Variants in TAFA2 observed in about 807,000 individuals in gnomAD.
The protein encoded by TAFA2 is chemokine-like protein TAFA-2.
In TAFA2, 7 loss-of-function variants were observed where a neutral mutation model predicts 18.8. That is an observed-to-expected ratio of 0.37 (90% CI 0.21 to 0.70). The LOEUF (loss-of-function observed/expected upper bound fraction) is 0.70. Ranked by LOEUF, TAFA2 falls within the 30% of genes least tolerant of loss-of-function variation. The pLI is 0.53. For synonymous variants in TAFA2, 60 were observed against 54.2 expected, an observed-to-expected ratio of 1.11 and a Z score of -0.47; for missense variants, 122 against 158.1, an observed-to-expected ratio of 0.77 and a Z score of 1.23.
At chr12:61,713,424 G>A (rs1444039406) in intron 4 of TAFA2, among the ~76,000 whole-genome samples, 1 of 152,126 alleles carries the variant, frequency 6.6e-6, no homozygotes, top group Non-Finnish European at 1.5e-5. Context: ...TTCGGCTAAA[G>A]TTTTTCTTTG....
chr12:62,190,279 A>G (rs998514316), intron 1 of TAFA2, among the ~76,000 whole-genome samples: 1 of 152,152 alleles, frequency 6.6e-6, no homozygotes. Flanking sequence ...GGATAACTCA[A>G]CCTGCAGTTC....
chr12:61,823,814 C>T (rs1402343479), intron 2 of TAFA2, among the ~76,000 whole-genome samples: 1 of 152,088 alleles, frequency 6.6e-6, no homozygotes, highest in Non-Finnish European at 1.5e-5. Flanking sequence ...AATACTCACA[C>T]CAGAATCTGA....
intron 1 of TAFA2, chr12:62,258,561 A>C (rs953041370): frequency 6.1e-6 from 1 of 163,188 alleles, no homozygotes; most frequent in African/African-American, 2.4e-5. Flanking sequence ...GGTATAATTC[A>C]CATACTGTAC....
At chr12:61,955,630 A>ATATATATTT (rs1565695156) in intron 1 of TAFA2, among the ~76,000 whole-genome samples, 1 of 14,964 alleles carries the variant, frequency 6.7e-5, no homozygotes, top group Non-Finnish European at 1.4e-4. Flanking sequence ...AAAAAAAAAA[A>ATATATATTT]AAATATATAT....
intron 2 of TAFA2, among the ~76,000 whole-genome samples, chr12:61,841,258 A>G (rs1223946237): frequency 6.6e-6 from 1 of 152,170 alleles, no homozygotes; most frequent in African/African-American, 2.4e-5. Flanking sequence ...CAAAACTTGA[A>G]TAACAGTGAA....
chr12:61,986,356 G>C (rs1879818379), intron 1 of TAFA2, among the ~76,000 whole-genome samples: 1 of 149,302 alleles, frequency 6.7e-6, no homozygotes, highest in African/African-American at 2.5e-5. Flanking sequence ...TAGAGACGGG[G>C]TTTTGCCATG....
At chr12:61,724,754 T>C (rs1231451448) in intron 4 of TAFA2, among the ~76,000 whole-genome samples, 21 of 40,822 alleles carry the variant, frequency 5.1e-4, no homozygotes, top group Non-Finnish European at 9.9e-4. Context: ...TATGTCTATG[T>C]GTGTGTGTGT....
At chr12:62,012,140 G>A (rs979721086) in intron 1 of TAFA2, among the ~76,000 whole-genome samples, 1 of 152,132 alleles carries the variant, frequency 6.6e-6, no homozygotes, top group African/African-American at 2.4e-5. Context: ...ATTCAGTGGA[G>A]ATTAAATAAA....
rs1475737463 is a variant in TAFA2, at chr12:62,124,548, T to G, written c.-2+66711A>C. On this transcript the variant is annotated intron_variant, in intron 1 of 4. Coordinates refer to ENST00000416284, the MANE Select transcript of TAFA2 (RefSeq NM_178539.5). The stretch of plus-strand genomic sequence containing the variant: ...TGCTGTTAAAAGGAAATGTTATCTC[T>G]CATTGAATTGATTTGGTGTTTATTA... 2.0e-5 allele frequency among the ~76,000 whole-genome samples: 3 copies of G among 152,152 alleles called. No individual in the cohort carries two copies. The East Asian group carries it at 5.8e-4, about 29-fold the overall frequency.
intron 1 of TAFA2, among the ~76,000 whole-genome samples, chr12:62,123,599 A>T (rs1473622963): frequency 6.6e-6 from 1 of 152,060 alleles, no homozygotes; most frequent in African/African-American, 2.4e-5. Context: ...TCTTCAGAAG[A>T]TGTAATATAT....
chr12:61,795,781 AAAG>A (rs1871163926), intron 2 of TAFA2, among the ~76,000 whole-genome samples: 6 of 151,878 alleles, frequency 4.0e-5, no homozygotes, highest in Admixed American at 3.9e-4. Flanking sequence ...AAATAAATAA[AAAG>A]AAAAAGAAAA....
chr12:62,150,755 A>T (rs975351804), intron 1 of TAFA2, among the ~76,000 whole-genome samples: 1 of 151,864 alleles, frequency 6.6e-6, no homozygotes, highest in East Asian at 1.9e-4. Context: ...AAATACAAAA[A>T]CTTCGCCAGG....
upstream of TAFA2, chr12:62,259,502 G>A (rs1222134923): frequency 6.6e-6 from 1 of 152,174 alleles, no homozygotes; most frequent in Non-Finnish European, 1.5e-5. Context: ...GTGTGACCTT[G>A]GCATTTGATT....
intron 1 of TAFA2, among the ~76,000 whole-genome samples, chr12:62,242,064 AATG>A (rs1387830410): frequency 1.3e-5 from 2 of 152,378 alleles, no homozygotes; most frequent in East Asian, 3.9e-4. Flanking sequence ...GAATTCTAAG[AATG>A]ATGACAAAGG....
At chr12:61,840,861 A>G (rs1378468731) in intron 2 of TAFA2, among the ~76,000 whole-genome samples, 1 of 152,120 alleles carries the variant, frequency 6.6e-6, no homozygotes, top group East Asian at 1.9e-4. Context: ...TTTAGAATTT[A>G]AGTAAAGTCA....
At chr12:61,845,724 T>C (rs1386414774) in intron 2 of TAFA2, among the ~76,000 whole-genome samples, 1 of 152,158 alleles carries the variant, frequency 6.6e-6, no homozygotes, top group East Asian at 1.9e-4. Flanking sequence ...GCCACATATT[T>C]TAATGTTCCC....
intron 1 of TAFA2, among the ~76,000 whole-genome samples, chr12:62,007,092 C>A (rs111571031): frequency 7.9e-5 from 12 of 152,102 alleles, no homozygotes; most frequent in African/African-American, 2.7e-4. Context: ...ACCTCTCTAC[C>A]ATTCTTCCTG....
intron 1 of TAFA2, among the ~76,000 whole-genome samples, chr12:62,016,088 A>G (rs1208491731): frequency 1.3e-5 from 2 of 152,204 alleles, no homozygotes; most frequent in Non-Finnish European, 2.9e-5. Context: ...TACAAAAAGA[A>G]CTGTGTCACA....
intron 2 of TAFA2, among the ~76,000 whole-genome samples, chr12:61,766,171 C>G (rs1869780768): frequency 6.6e-6 from 1 of 152,094 alleles, no homozygotes; most frequent in Admixed American, 6.6e-5. Flanking sequence ...CATAAACACA[C>G]ACATACTACC....
Sources: allele counts gnomAD v4.1 joint callset (sites outside exome capture counted in the v4.1 genomes callset), GRCh38; gene constraint gnomAD v4.1.1; transcripts MANE v1.5; gene names NCBI Gene and HGNC (gene_info 2026-07-23, HGNC 2026-07-21).